The following CPNE4 variants were observed in gnomAD, a reference collection of about 807,000 sequenced individuals.
The protein encoded by CPNE4 is copine 4.
A neutral mutation model predicts 67.9 loss-of-function variants in CPNE4; 25 were observed. The ratio of observed to expected loss-of-function variants is 0.37; its 90% confidence interval spans 0.27 to 0.51. CPNE4 has a LOEUF of 0.51. CPNE4 is among the 20% of genes least tolerant of loss of function. CPNE4 has a pLI of 0.93. For missense variants in CPNE4, 464 were observed against 690.8 expected, an observed-to-expected ratio of 0.67 and a Z score of 3.68; for synonymous variants, 242 against 244.9, an observed-to-expected ratio of 0.99 and a Z score of 0.11.
chr3:131,750,834 G>T (rs2107796219), intron 2 of CPNE4, among the ~76,000 whole-genome samples: 1 of 152,032 alleles, frequency 6.6e-6, no homozygotes, highest in South Asian at 2.1e-4. Context: ...GGGTAGGTTT[G>T]CTGGTGACAA....
chr3:131,886,381 T>C (rs1003231342), intron 2 of CPNE4, among the ~76,000 whole-genome samples: 1 of 152,216 alleles, frequency 6.6e-6, no homozygotes, highest in African/African-American at 2.4e-5. Context: ...CGGAAACACC[T>C]GGATGCCCAG....
In CPNE4 at chr3:131,915,143, A is replaced by G. The variant is rs116761223; in HGVS notation, c.-1-9699T>C. Among the ~76,000 whole-genome samples, 552 of 152,298 alleles carry G rather than the reference A, an allele frequency of 3.6e-3. 1 individual carries two copies. The highest frequency in any genetic ancestry group is 5.8e-3 in the Non-Finnish European group (396 of 68,024). On this transcript the variant is annotated intron_variant, in intron 1 of 15. Coordinates refer to ENST00000429747, the MANE Select transcript of CPNE4 (RefSeq NM_130808.3). Reference sequence around the variant, plus strand: ...AAATAACTTATCCCAATGTCATAGTAAGTGACACAGCCAGGAATTAAACCT... The same window carrying G: ...AAATAACTTATCCCAATGTCATAGTGAGTGACACAGCCAGGAATTAAACCT...
At chr3:131,552,894 C>T (rs1180350174) in intron 12 of CPNE4, among the ~76,000 whole-genome samples, 4 of 152,042 alleles carry the variant, frequency 2.6e-5, no homozygotes, top group Admixed American at 6.6e-5. Flanking sequence ...CTCAATAACC[C>T]AAGCTGTCTG....
chr3:131,980,772 T>G (rs1394724919), intron 1 of CPNE4, among the ~76,000 whole-genome samples: 2 of 152,146 alleles, frequency 1.3e-5, no homozygotes, highest in Non-Finnish European at 2.9e-5. Context: ...TCATGAGTCT[T>G]GTTTTGTCAT....
At chr3:131,762,499 A>C (rs1349980406) in intron 2 of CPNE4, among the ~76,000 whole-genome samples, 1 of 152,054 alleles carries the variant, frequency 6.6e-6, no homozygotes, top group African/African-American at 2.4e-5. Flanking sequence ...TGATTCTCTC[A>C]ATATCTATTT....
intron 2 of CPNE4, among the ~76,000 whole-genome samples, chr3:131,790,305 G>A (rs914031435): frequency 2.0e-5 from 3 of 152,128 alleles, no homozygotes; most frequent in Admixed American, 6.6e-5. Context: ...CTGTCACAGA[G>A]TTTTAGGAAC....
intron 2 of CPNE4, among the ~76,000 whole-genome samples, chr3:131,872,832 T>A (rs9834926): frequency 6.6e-6 from 1 of 152,000 alleles, no homozygotes; most frequent in Non-Finnish European, 1.5e-5. Flanking sequence ...GGCCCCCAGT[T>A]AATATGTCAC....
chr3:131,952,801 G>C (rs956644831), intron 1 of CPNE4, among the ~76,000 whole-genome samples: 3 of 152,184 alleles, frequency 2.0e-5, no homozygotes, highest in Admixed American at 2.0e-4. Context: ...GAATAGAAAG[G>C]GGGGAAAGGT....
At chr3:131,977,560 G>C (rs940678606) in intron 1 of CPNE4, among the ~76,000 whole-genome samples, 1 of 151,800 alleles carries the variant, frequency 6.6e-6, no homozygotes, top group South Asian at 2.1e-4. Context: ...ACACACACAC[G>C]CACATACATA....
chr3:131,717,833 C>T (rs1339228685), intron 3 of CPNE4, among the ~76,000 whole-genome samples: 1 of 150,658 alleles, frequency 6.6e-6, no homozygotes, highest in Non-Finnish European at 1.5e-5. Context: ...GATCTTTCTT[C>T]CTTCCTTCCT....
rs139971939 is a variant in CPNE4, at chr3:131,609,719, T to C, written c.682-22137A>G. Among the ~76,000 whole-genome samples, 803 of 152,310 alleles carry C rather than the reference T, an allele frequency of 5.3e-3. 7 individuals are homozygous for C. Among genetic ancestry groups the C allele is most frequent in the African/African-American group, 0.019 (779 of 41,568 alleles). Reference sequence around the variant, plus strand: ...GATGTGATTGGAATGGAGCTGGTTCTCTAGCCCACATTAGCTAAGAATTTT... The same window carrying C: ...GATGTGATTGGAATGGAGCTGGTTCCCTAGCCCACATTAGCTAAGAATTTT... On this transcript the variant is annotated intron_variant, in intron 7 of 15. Transcript: ENST00000429747.
At chr3:131,710,541 C>G (rs2081531694) in intron 3 of CPNE4, among the ~76,000 whole-genome samples, 1 of 152,022 alleles carries the variant, frequency 6.6e-6, no homozygotes, top group South Asian at 2.1e-4. Context: ...GCTTAGTAGG[C>G]AAGGTAGTAT....
chr3:131,976,669 C>T (rs2072663711), intron 1 of CPNE4, among the ~76,000 whole-genome samples: 1 of 151,966 alleles, frequency 6.6e-6, no homozygotes, highest in Admixed American at 6.5e-5. Flanking sequence ...AAGGAAATGA[C>T]CTGATTGTAT....
intron 14 of CPNE4, among the ~76,000 whole-genome samples, chr3:131,549,334 A>T (rs1234192241): frequency 6.6e-6 from 1 of 152,184 alleles, no homozygotes; most frequent in Non-Finnish European, 1.5e-5. Flanking sequence ...AATCTGGAAA[A>T]AATCATAAAG....
intron 7 of CPNE4, among the ~76,000 whole-genome samples, chr3:131,655,062 C>T (rs2079916988): frequency 6.6e-6 from 1 of 152,162 alleles, no homozygotes; most frequent in Admixed American, 6.5e-5. Context: ...AAAAAAGAAA[C>T]AGTGGATGCA....
chr3:131,753,482 A>G (rs187669600), intron 2 of CPNE4, among the ~76,000 whole-genome samples: 317 of 152,294 alleles, frequency 2.1e-3, no homozygotes, highest in African/African-American at 7.2e-3. Context: ...GAAAGTCGAC[A>G]GACAAATGAT....
At chr3:131,973,011 A>T (rs939274430) in intron 1 of CPNE4, among the ~76,000 whole-genome samples, 4 of 152,136 alleles carry the variant, frequency 2.6e-5, no homozygotes, top group African/African-American at 9.7e-5. Flanking sequence ...CTTAAGTCTC[A>T]CCTTTTATTT....
chr3:132,006,781 C>T (rs1394255079), intron 1 of CPNE4, among the ~76,000 whole-genome samples: 1 of 151,994 alleles, frequency 6.6e-6, no homozygotes, highest in Non-Finnish European at 1.5e-5. Context: ...TGGGGCATGA[C>T]GTGCCCAGAC....
At chr3:131,902,759 T>C (rs1320791557) in intron 2 of CPNE4, among the ~76,000 whole-genome samples, 1 of 152,152 alleles carries the variant, frequency 6.6e-6, no homozygotes, top group African/African-American at 2.4e-5. Flanking sequence ...TAGATGGATT[T>C]CTTGCCTGTA....
Sources: allele counts gnomAD v4.1 joint callset (sites outside exome capture counted in the v4.1 genomes callset), GRCh38; gene constraint gnomAD v4.1.1; transcripts MANE v1.5; gene names NCBI Gene and HGNC (gene_info 2026-07-23, HGNC 2026-07-21).